CRADD: variants seen among roughly 807,000 people sequenced by gnomAD.
The protein encoded by CRADD is CARD and death domain containing adaptor protein.
In CRADD, 9 loss-of-function variants were observed where a neutral mutation model predicts 15.5. The ratio of observed to expected loss-of-function variants is 0.58; its 90% CI spans 0.35 to 1.01. The LOEUF (loss-of-function observed/expected upper bound fraction) is 1.01, where lower values mean the gene tolerates loss of function less well. Among genes scored for constraint, CRADD ranks in the 50% least tolerant of loss-of-function variants. The pLI is 0.02. For missense variants in CRADD, 227 were observed against 250.3 expected, an observed-to-expected ratio of 0.91 and a Z score of 0.63; for synonymous variants, 118 against 107.6, an observed-to-expected ratio of 1.10 and a Z score of -0.60.
chr12:93,882,614 C>G (rs1444407949), intron 2 of CRADD, among the ~76,000 whole-genome samples: 1 of 152,036 alleles, frequency 6.6e-6, no homozygotes, highest in Non-Finnish European at 1.5e-5. Context: ...CCTCTTTCTT[C>G]TTGGCTGGGT....
chr12:93,773,412 A>T lies in CRADD; in HGVS notation c.299-76558A>T, dbSNP rs148970894. Among the ~76,000 whole-genome samples, 372 of 152,280 alleles carry T rather than the reference A, an allele frequency of 2.4e-3. 3 individuals carry two copies. The highest frequency in any genetic ancestry group is 8.2e-3 in the African/African-American group (341 of 41,546). On this transcript the variant is annotated intron_variant, in intron 2 of 2. Coordinates refer to ENST00000332896, the MANE Select transcript of CRADD (RefSeq NM_003805.5). ...GGGGAGTTTCCCTGCACAAGCTCTC[A>T]TCTGGTCTGCTGCCATGTGAGGTGT...
chr12:93,878,984 T>C (rs988950380), intron 2 of CRADD, among the ~76,000 whole-genome samples: 1 of 152,230 alleles, frequency 6.6e-6, no homozygotes, highest in Non-Finnish European at 1.5e-5. Context: ...GCCATCTTGC[T>C]CTGCCTCCAA....
chr12:93,828,239 T>G (rs1347930745), intron 2 of CRADD, among the ~76,000 whole-genome samples: 1 of 152,208 alleles, frequency 6.6e-6, no homozygotes, highest in Non-Finnish European at 1.5e-5. Context: ...TGCAAATATT[T>G]TTTCCTAGTC....
At chr12:93,874,516 C>T (rs1180204182) in intron 2 of CRADD, among the ~76,000 whole-genome samples, 4 of 151,560 alleles carry the variant, frequency 2.6e-5, no homozygotes, top group African/African-American at 4.8e-5. Flanking sequence ...CTTTAAGATG[C>T]GTTGTTAGAT....
At chr12:93,776,501 G>T (rs174826) in intron 2 of CRADD, among the ~76,000 whole-genome samples, 1 of 152,214 alleles carries the variant, frequency 6.6e-6, no homozygotes, top group Non-Finnish European at 1.5e-5. Context: ...GTTTCCTAAG[G>T]CTTTTTCTTT....
intron 2 of CRADD, among the ~76,000 whole-genome samples, chr12:93,783,306 A>G (rs1279606867): frequency 1.3e-5 from 2 of 150,246 alleles, no homozygotes; most frequent in African/African-American, 4.9e-5. Context: ...CAGAGAAGGG[A>G]CTAAGTTTCT....
intron 2 of CRADD, among the ~76,000 whole-genome samples, chr12:93,734,498 G>A (rs1956528750): frequency 6.6e-6 from 1 of 152,064 alleles, no homozygotes. Context: ...AATGAAACAT[G>A]TTTTCACACT....
At chr12:93,730,054 A>G (rs537644041) in intron 2 of CRADD, among the ~76,000 whole-genome samples, 6 of 152,304 alleles carry the variant, frequency 3.9e-5, no homozygotes, top group African/African-American at 1.2e-4. Flanking sequence ...TATCACTATC[A>G]CTACTACTAG....
chr12:93,761,921 G>A (rs771498592), intron 2 of CRADD, among the ~76,000 whole-genome samples: 4 of 152,120 alleles, frequency 2.6e-5, no homozygotes, highest in Non-Finnish European at 5.9e-5. Context: ...GGATGAATAC[G>A]GCAGATTCAG....
downstream of CRADD, among the ~76,000 whole-genome samples, chr12:93,855,187 C>T (rs889123968): frequency 2.0e-5 from 3 of 151,810 alleles, no homozygotes; most frequent in South Asian, 2.1e-4. Flanking sequence ...AGCAAAACTC[C>T]GTCTTAAAAA....
At chr12:93,893,418 C>G (rs1958590519) in intron 2 of CRADD, among the ~76,000 whole-genome samples, 1 of 151,878 alleles carries the variant, frequency 6.6e-6, no homozygotes, top group African/African-American at 2.4e-5. Context: ...AAATTGAAGC[C>G]TCTTTCAAGG....
intron 2 of CRADD, among the ~76,000 whole-genome samples, chr12:93,875,570 A>G (rs1321383925): frequency 2.0e-5 from 3 of 151,332 alleles, no homozygotes; most frequent in Non-Finnish European, 3.0e-5. Context: ...TGTCTCCATT[A>G]TATGTTTTTT....
intron 2 of CRADD, among the ~76,000 whole-genome samples, chr12:93,814,185 A>G (rs896197975): frequency 1.3e-5 from 2 of 152,232 alleles, no homozygotes; most frequent in Admixed American, 6.5e-5. Flanking sequence ...TCATTCAAAC[A>G]GGATCTAGTT....
chr12:93,756,189 C>T (rs978745316), intron 2 of CRADD, among the ~76,000 whole-genome samples: 5 of 152,202 alleles, frequency 3.3e-5, no homozygotes, highest in African/African-American at 9.6e-5. Flanking sequence ...GCCCCTTCAT[C>T]CTCCAAGTGA....
At chr12:93,734,252 AG>A (rs1261236266) in intron 2 of CRADD, among the ~76,000 whole-genome samples, 1 of 152,170 alleles carries the variant, frequency 6.6e-6, no homozygotes, top group Non-Finnish European at 1.5e-5. Context: ...CCTTCCCTCA[AG>A]GAGCTTACAT....
intron 2 of CRADD, among the ~76,000 whole-genome samples, chr12:93,701,903 C>T (rs1313932047): frequency 5.9e-5 from 9 of 152,078 alleles, no homozygotes; most frequent in Admixed American, 5.9e-4. Flanking sequence ...ATCTATTCTT[C>T]AGAGCCTAAT....
chr12:93,767,737 G>C (rs1957040960), intron 2 of CRADD, among the ~76,000 whole-genome samples: 1 of 152,152 alleles, frequency 6.6e-6, no homozygotes, highest in Non-Finnish European at 1.5e-5. Flanking sequence ...GAGGAAGGCA[G>C]GGTTCATGCC....
intron 2 of CRADD, among the ~76,000 whole-genome samples, chr12:93,837,090 G>C (rs1957980264): frequency 6.6e-6 from 1 of 152,104 alleles, no homozygotes; most frequent in Non-Finnish European, 1.5e-5. Flanking sequence ...AAGGCTCTCT[G>C]GTTCGCAGCT....
chr12:93,708,954 T>C (rs1956008109), intron 2 of CRADD: 1 of 152,314 alleles, frequency 6.6e-6, no homozygotes, highest in Non-Finnish European at 1.5e-5. Context: ...TACCTTGTTG[T>C]GTCTTCACAT....
Sources: allele counts gnomAD v4.1 joint callset (sites outside exome capture counted in the v4.1 genomes callset), GRCh38; gene constraint gnomAD v4.1.1; transcripts MANE v1.5; gene names NCBI Gene and HGNC (gene_info 2026-07-23, HGNC 2026-07-21).